The following C20orf96 variants were observed in gnomAD, a reference collection of about 807,000 sequenced individuals.
The protein encoded by C20orf96 is uncharacterized protein C20orf96.
C20orf96 carries 57 observed loss-of-function variants against 52.6 expected under a neutral mutation model. That is an observed-to-expected ratio of 1.08 (90% confidence interval 0.88 to 1.35). The LOEUF (loss-of-function observed/expected upper bound fraction) is 1.35, where lower values mean the gene tolerates loss of function less well. Ranked by LOEUF, C20orf96 falls within the 40% of genes most tolerant of loss-of-function variation. The pLI is 0.00. For synonymous variants in C20orf96, 168 were observed against 157.2 expected (o/e 1.07, Z -0.51); for missense variants, 478 against 443.6 (o/e 1.08, Z -0.70).
At chr20:273,531 G>A (rs2011906100) in intron 10 of C20orf96, among the ~76,000 whole-genome samples, 1 of 152,122 alleles carries the variant, frequency 6.6e-6, no homozygotes, top group Non-Finnish European at 1.5e-5. Context: ...GGCTCAACAT[G>A]TGGTTGGTTC....
At chr20:287,037 A>G (rs1405198511) in intron 3 of C20orf96, among the ~76,000 whole-genome samples, 2 of 152,166 alleles carry the variant, frequency 1.3e-5, no homozygotes, top group Non-Finnish European at 2.9e-5. Context: ...GTGGGGATAC[A>G]CCATAGGTTG....
At chr20:275,317 G>A (rs2011982266) in intron 10 of C20orf96, among the ~76,000 whole-genome samples, 1 of 152,126 alleles carries the variant, frequency 6.6e-6, no homozygotes, top group South Asian at 2.1e-4. Context: ...ATTTTGTTTT[G>A]GGGGCGGGGG....
In C20orf96 at chr20:277,301, G is replaced by A. The variant is rs370937828; in HGVS notation, c.648C>T (p.Asp216=). ...GGACAGACTTGATGGAATACTCATG[G>A]TCCATGTAAGTGCTCAGGAAGTTCA... is the stretch of plus-strand genomic sequence containing the variant. ...EEVNFLSTYM[D]HEYSIKSVQI... is the part of the protein sequence containing the mutation. Residue 216 remains aspartate (D), a synonymous_variant, in exon 7 of 11, where the codon GAC becomes GAT. Coordinates refer to ENST00000360321, the MANE Select transcript of C20orf96 (RefSeq NM_153269.3). 3.7e-6 allele frequency: 6 copies of A among 1,614,022 alleles called. No individual in the cohort carries two copies. Among genetic ancestry groups the A allele is most frequent in the East Asian group, 2.2e-5 (1 of 44,896 alleles).
At chr20:273,809 G>A (rs776828248) in intron 10 of C20orf96, among the ~76,000 whole-genome samples, 6 of 150,912 alleles carry the variant, frequency 4.0e-5, no homozygotes, top group Admixed American at 6.6e-5. Context: ...CCCAGGAGGC[G>A]GAGGTTGCAG....
At position 279,410 on chromosome 20, in the gene C20orf96, C is replaced by G; in HGVS notation, c.307-80G>C. On this transcript the variant is annotated intron_variant, in intron 4 of 10. Coordinates refer to ENST00000360321, the MANE Select transcript of C20orf96 (RefSeq NM_153269.3). The stretch of plus-strand genomic sequence containing the variant: ...CCCCGAAAGCCCGTGGACCCGCCGC[C>G]CCGGCCCCGCCAGACGCCCGCCCCC... The G allele has an allele frequency of 2.1e-6, 3 of 1,425,150 alleles. No individual in the cohort carries two copies. In the South Asian group the frequency reaches 4.2e-5, roughly 20 times the overall value. The allele number at this position is 1,425,150 out of a possible 1,614,324, so 88.3% of individuals were successfully genotyped here. A position where few individuals can be genotyped will look rare whatever the true frequency, so the allele number is the denominator to read the frequency against.
At chr20:272,625 G>A (rs1413272625) in intron 10 of C20orf96, among the ~76,000 whole-genome samples, 1 of 152,008 alleles carries the variant, frequency 6.6e-6, no homozygotes, top group African/African-American at 2.4e-5. Context: ...TAAAGCACTG[G>A]GATTACAGGT....
intron 3 of C20orf96, 120 bp from the exon 4 acceptor site, chr20:284,201 C>T (rs1313017896): frequency 1.4e-6 from 1 of 712,576 alleles, no homozygotes; most frequent in African/African-American, 1.8e-5. Flanking sequence ...CCTCTGACTG[C>T]CTTATAATGT....
At chr20:287,782 G>A (rs1034864768) in intron 3 of C20orf96, among the ~76,000 whole-genome samples, 1 of 151,740 alleles carries the variant, frequency 6.6e-6, no homozygotes, top group Non-Finnish European at 1.5e-5. Context: ...GGTGGCACAC[G>A]CCTTCAGTCC....
At chr20:272,285 T>G (rs2011866391) in intron 10 of C20orf96, among the ~76,000 whole-genome samples, 1 of 152,200 alleles carries the variant, frequency 6.6e-6, no homozygotes, top group Non-Finnish European at 1.5e-5. Context: ...TACACTCATC[T>G]TGTCAATTGC....
chr20:279,195 G>C lies in C20orf96; in HGVS notation c.442C>G (p.Leu148Val). The C allele has an allele frequency of 6.2e-7, 1 of 1,603,614 alleles. No individual in the cohort carries two copies. ...NSTTLHVRAL[L>V]QQQDTLATII... ...ACCGCCAGGGTGTCCTGCTGCTGCA[G>C]CAGGGCCCGCACGTGCAGGGTCGTG... is the stretch of plus-strand genomic sequence containing the variant. The change falls in exon 5 of 11, where the codon CTG (leucine) becomes GTG (valine). Residue 148 changes from leucine (L) to valine (V), a missense_variant. Transcript: ENST00000360321.
chr20:288,087 T>C (rs2012433632), intron 3 of C20orf96, among the ~76,000 whole-genome samples: 1 of 151,470 alleles, frequency 6.6e-6, no homozygotes, highest in African/African-American at 2.4e-5. Flanking sequence ...TTTTTCAGTT[T>C]CACATTTTAC....
chr20:281,555 C>G (rs562954288), intron 4 of C20orf96, among the ~76,000 whole-genome samples: 1 of 152,334 alleles, frequency 6.6e-6, no homozygotes, highest in South Asian at 2.1e-4. Flanking sequence ...TCTCATATAA[C>G]AGTAATCATG....
At chr20:279,137 A>AT in intron 5 of C20orf96, 35 bp downstream of exon 5, 1 of 1,106,560 alleles carries the variant, frequency 9.0e-7, no homozygotes, top group South Asian at 1.7e-5. Context: ...GTTGGGACGG[A>AT]GGGACGGAGG....
intron 3 of C20orf96, among the ~76,000 whole-genome samples, chr20:289,330 G>A (rs2012475975): frequency 6.6e-6 from 1 of 152,112 alleles, no homozygotes; most frequent in Non-Finnish European, 1.5e-5. Flanking sequence ...AAGGTCAAAG[G>A]AACCTGGATC....
At chr20:279,892 C>G (rs910637860) in intron 4 of C20orf96, among the ~76,000 whole-genome samples, 6 of 152,052 alleles carry the variant, frequency 3.9e-5, no homozygotes, top group Non-Finnish European at 7.4e-5. Flanking sequence ...ATCGCTTGAA[C>G]CTGGGAGGCG....
intron 3 of C20orf96, among the ~76,000 whole-genome samples, chr20:287,908 C>CAAAAAAAAAAAAAAAAAAAAAAAAAAAAA (rs71327437): frequency 4.8e-5 from 3 of 63,088 alleles, no homozygotes; most frequent in African/African-American, 1.7e-4. Flanking sequence ...GACTCCTTCT[C>CAAAAAAAAAAAAAAAAAAAAAAAAAAAAA]AAAAAAAAAA....
intron 10 of C20orf96, among the ~76,000 whole-genome samples, chr20:272,544 T>C (rs578038432): frequency 2.0e-3 from 309 of 152,222 alleles, no homozygotes; most frequent in South Asian, 3.3e-3. Context: ...TTTGTAGAGA[T>C]GGAGGTCTCA....
At chr20:284,298 G>C (rs939734379) in intron 3 of C20orf96, among the ~76,000 whole-genome samples, 1 of 152,220 alleles carries the variant, frequency 6.6e-6, no homozygotes, top group Admixed American at 6.5e-5. Flanking sequence ...GACAAGCCCA[G>C]GTGAAAGCAG....
At chr20:281,082 G>A (rs912867951) in intron 4 of C20orf96, among the ~76,000 whole-genome samples, 1 of 152,142 alleles carries the variant, frequency 6.6e-6, no homozygotes, top group Non-Finnish European at 1.5e-5. Flanking sequence ...TTTGAGCCCA[G>A]AAGATCGAGG....
Sources: allele counts gnomAD v4.1 joint callset (sites outside exome capture counted in the v4.1 genomes callset), GRCh38; gene constraint gnomAD v4.1.1; transcripts MANE v1.5; gene names NCBI Gene and HGNC (gene_info 2026-07-23, HGNC 2026-07-21).